MAPK4: variants seen among roughly 807,000 people sequenced by gnomAD.
MAPK4 encodes the protein Erk3-related.
MAPK4 carries 22 observed loss-of-function variants against 47.7 expected under a neutral mutation model. The observed-to-expected ratio is 0.46, with a 90% confidence interval of 0.33 to 0.66. The LOEUF is 0.66. Ranked by LOEUF, MAPK4 falls within the 30% of genes least tolerant of loss-of-function variation. The pLI, the probability that MAPK4 is intolerant of heterozygous loss-of-function variation, is 0.02. For missense variants in MAPK4, 736 were observed against 831.7 expected (o/e 0.88, Z 1.42); for synonymous variants, 390 against 365.7 (o/e 1.07, Z -0.76).
At chr18:50,703,737 TC>T (rs1015743802) in intron 2 of MAPK4, among the ~76,000 whole-genome samples, 7 of 152,112 alleles carry the variant, frequency 4.6e-5, no homozygotes, top group African/African-American at 1.4e-4. Flanking sequence ...ACATACTAAA[TC>T]CCCATCTAGA....
In MAPK4 at chr18:50,730,767, A is replaced by C. The variant is rs763162260; in HGVS notation, c.*913A>C. The C allele has an allele frequency of 6.6e-6, 1 of 152,122 alleles. No individual in the cohort carries two copies. The highest frequency in any genetic ancestry group is 1.5e-5 in the Non-Finnish European group (1 of 67,992). 9.4% of individuals were successfully genotyped at this position (152,122 alleles called of 1,614,324 possible). On this transcript the variant is annotated 3_prime_UTR_variant, in exon 6 of 6. Transcript: ENST00000400384. ...TGAGGTTGAAGGCACCAATTCCAAG[A>C]ATCCCTCCAACCTCCCTGCCAGCAC...
intron 1 of MAPK4, among the ~76,000 whole-genome samples, chr18:50,635,348 C>T (rs982926222): frequency 4.6e-5 from 7 of 152,128 alleles, no homozygotes; most frequent in African/African-American, 1.7e-4. Context: ...AACATTCGGG[C>T]CCTTTACTGT....
intron 1 of MAPK4, among the ~76,000 whole-genome samples, chr18:50,591,057 T>G (rs2042432722): frequency 6.6e-6 from 1 of 152,242 alleles, no homozygotes; most frequent in Non-Finnish European, 1.5e-5. Flanking sequence ...TAATGCTTAT[T>G]CAAATTCATA....
Position 50,664,637 on chromosome 18 carries a change from C to T in MAPK4, c.546+133C>T. ...AGTAATTAGGGGAGGCTGGAGGGTG[C>T]TAGGAAGATCACTAGCCTGAAAAGT... On this transcript the variant is annotated intron_variant, in intron 2 of 5. Coordinates refer to ENST00000400384, the MANE Select transcript of MAPK4 (RefSeq NM_002747.4). This position sits in a 1 kb window ranked among gnomAD's most constrained non-coding sequence, Gnocchi z 6.0. The T allele has an allele frequency of 1.0e-6, 1 of 999,600 alleles. No individual in the cohort carries two copies. Among genetic ancestry groups the T allele is most frequent in the Non-Finnish European group, 1.4e-6 (1 of 699,506 alleles). 61.9% of individuals were successfully genotyped at this position (999,600 alleles called of 1,614,324 possible). A position where few individuals can be genotyped will look rare whatever the true frequency, so the allele number is the denominator to read the frequency against.
At chr18:50,728,575 G>A (rs1251271112) in intron 5 of MAPK4, among the ~76,000 whole-genome samples, 1 of 152,226 alleles carries the variant, frequency 6.6e-6, no homozygotes, top group Admixed American at 6.5e-5. Flanking sequence ...GGGGGAAGCA[G>A]TGAGGCAGAC....
chr18:50,682,786 A>G (rs1219095728), intron 2 of MAPK4, among the ~76,000 whole-genome samples: 2 of 152,236 alleles, frequency 1.3e-5, no homozygotes, highest in Non-Finnish European at 2.9e-5. Flanking sequence ...CTTGTATACA[A>G]ATGTTCATCA....
rs1024886098 is a variant in MAPK4, at chr18:50,668,813, G to A, written c.546+4309G>A. ...ACAAAACTGGAAGGGAAGGAGACTC[G>A]CTCAAGGTCACACAATGAGTGGCTG... On this transcript the variant is annotated intron_variant, in intron 2 of 5. Coordinates refer to ENST00000400384, the MANE Select transcript of MAPK4 (RefSeq NM_002747.4). Among the ~76,000 whole-genome samples the A allele has an allele frequency of 3.9e-5, 6 of 152,286 alleles. No individual in the cohort carries two copies. In the East Asian group the frequency reaches 5.8e-4, roughly 15 times the overall value.
At position 50,644,965 on chromosome 18, in the gene MAPK4, C is replaced by T. The variant is rs78406907; in HGVS notation, c.-870-18124C>T. ...ACATGGCTATTCTAAGGGGACACTG[C>T]TCAAACTTGCAGTGGAGAATAATGG... On this transcript the variant is annotated intron_variant, in intron 1 of 5. Transcript: ENST00000400384. 2.3e-3 allele frequency among the ~76,000 whole-genome samples: 350 copies of T among 152,304 alleles called. 8 individuals carry two copies. The East Asian group carries it at 0.052, about 23-fold the overall frequency.
intron 1 of MAPK4, among the ~76,000 whole-genome samples, chr18:50,611,894 G>A (rs2042639205): frequency 6.6e-6 from 1 of 152,106 alleles, no homozygotes; most frequent in Non-Finnish European, 1.5e-5. Context: ...GAATGGGGCT[G>A]TTCTTTACAT....
chr18:50,575,393 A>C (rs1475353994), intron 1 of MAPK4, among the ~76,000 whole-genome samples: 1 of 152,210 alleles, frequency 6.6e-6, no homozygotes, highest in Non-Finnish European at 1.5e-5. Context: ...CTAAGACAAC[A>C]CCTCAGTTCC....
At chr18:50,630,083 G>A (rs1038067767) in intron 1 of MAPK4, among the ~76,000 whole-genome samples, 2 of 152,214 alleles carry the variant, frequency 1.3e-5, no homozygotes, top group African/African-American at 4.8e-5. Flanking sequence ...AGATGGGGGA[G>A]GGGAACGCCT....
intron 1 of MAPK4, among the ~76,000 whole-genome samples, chr18:50,638,876 G>T (rs533850291): frequency 2.0e-5 from 3 of 152,148 alleles, no homozygotes; most frequent in Admixed American, 1.3e-4. Context: ...TGATTATCCT[G>T]TTCTTCAGAC....
intron 1 of MAPK4, among the ~76,000 whole-genome samples, chr18:50,595,713 G>A (rs1265338261): frequency 2.6e-5 from 4 of 152,210 alleles, no homozygotes; most frequent in Admixed American, 1.3e-4. Flanking sequence ...ATGGTAACAT[G>A]TGAAATAGAA....
chr18:50,721,556 T>C (rs765241441), intron 3 of MAPK4, among the ~76,000 whole-genome samples: 1 of 152,216 alleles, frequency 6.6e-6, no homozygotes, highest in African/African-American at 2.4e-5. Flanking sequence ...CTTAAAACTG[T>C]TTCCTTCCCC....
At chr18:50,674,597 T>C (rs551408394) in intron 2 of MAPK4, among the ~76,000 whole-genome samples, 77 of 152,226 alleles carry the variant, frequency 5.1e-4, no homozygotes, top group African/African-American at 1.8e-3. Flanking sequence ...CACACACTGT[T>C]CCCTCTGTTC....
chr18:50,568,743 C>T (rs964748056), intron 1 of MAPK4, among the ~76,000 whole-genome samples: 30 of 152,170 alleles, frequency 2.0e-4, no homozygotes, highest in Non-Finnish European at 3.8e-4. Flanking sequence ...TGTTTGCCAT[C>T]CTTTTCTTTT....
intron 2 of MAPK4, chr18:50,705,988 T>C (rs1359394974): frequency 6.6e-6 from 1 of 152,210 alleles, no homozygotes; most frequent in Non-Finnish European, 1.5e-5. Flanking sequence ...CTCTGCCAAT[T>C]ATTAGTTAAT....
intron 1 of MAPK4, among the ~76,000 whole-genome samples, chr18:50,583,071 G>A (rs1455696125): frequency 6.6e-6 from 1 of 152,204 alleles, no homozygotes; most frequent in Non-Finnish European, 1.5e-5. Context: ...TGACCAAGAG[G>A]AATGAGGTGC....
intron 3 of MAPK4, among the ~76,000 whole-genome samples, chr18:50,717,885 C>T (rs115448733): frequency 3.3e-4 from 50 of 152,300 alleles, no homozygotes; most frequent in African/African-American, 1.1e-3. Context: ...TGTCAAAGCC[C>T]CTGGCTCTCA....
Sources: gnomAD v4.1 joint callset for allele counts (sites outside exome capture counted in the v4.1 genomes callset) on GRCh38, gnomAD v4.1.1 for gene constraint, Gnocchi (gnomAD v3.1) non-coding constraint, MANE v1.5 for transcripts, NCBI Gene and HGNC (gene_info 2026-07-23, HGNC 2026-07-21) for gene names.